Variants in ARL13B observed in about 807,000 individuals in gnomAD.
ARL13B encodes ARF like GTPase 13B.
ARL13B carries 36 observed loss-of-function variants against 56.1 expected under a neutral mutation model. That is an observed-to-expected ratio of 0.64 (90% CI 0.49 to 0.85). The LOEUF is 0.85. ARL13B is among the 40% of genes least tolerant of loss of function. The pLI is 0.00. For missense variants in ARL13B, 519 were observed against 507.1 expected (o/e 1.02, Z -0.23); for synonymous variants, 178 against 171.1 (o/e 1.04, Z -0.32).
intron 1 of ARL13B, 130 bp downstream of exon 1, chr3:93,980,612 G>GACACCCTGGGAAT: frequency 1.7e-6 from 2 of 1,152,146 alleles, no homozygotes; most frequent in Non-Finnish European, 2.5e-6. Context: ...TCATTCCCAG[G>GACACCCTGGGAAT]GTGTCCCGGG....
At chr3:93,987,622 C>T (rs1710531501) in intron 1 of ARL13B, among the ~76,000 whole-genome samples, 1 of 152,008 alleles carries the variant, frequency 6.6e-6, no homozygotes, top group Non-Finnish European at 1.5e-5. Flanking sequence ...CAATTCTTAA[C>T]ATACATACCA....
chr3:94,049,140 T>A (rs1287360616), intron 7 of ARL13B, among the ~76,000 whole-genome samples: 1 of 152,156 alleles, frequency 6.6e-6, no homozygotes, highest in African/African-American at 2.4e-5. Context: ...TTTTGTATTC[T>A]GAAAAACCTC....
At chr3:94,004,085 G>A (rs1315874832) in intron 3 of ARL13B, among the ~76,000 whole-genome samples, 177 bp downstream of exon 3, 2 of 151,998 alleles carry the variant, frequency 1.3e-5, no homozygotes, top group East Asian at 3.9e-4. Flanking sequence ...TGTCTATAGG[G>A]GAAAAGGGCT....
At chr3:94,018,763 G>A (rs1423119990) in intron 3 of ARL13B, among the ~76,000 whole-genome samples, 3 of 152,134 alleles carry the variant, frequency 2.0e-5, no homozygotes, top group East Asian at 3.9e-4. Flanking sequence ...AGACTCAGAA[G>A]TCTTTTTTTG....
chr3:94,020,684 T>C lies in ARL13B; in HGVS notation c.381-14647T>C, dbSNP rs143483852. Among the ~76,000 whole-genome samples the C allele has an allele frequency of 8.5e-5, 13 of 152,342 alleles. No homozygotes were observed. The East Asian group carries it at 2.5e-3, about 29-fold the overall frequency. On this transcript the variant is annotated intron_variant, in intron 3 of 9. Transcript: ENST00000394222. ...ATTCGGAAACATTTGCTGTATTACT[T>C]TATTGCCACATGACTATATTGCTGA...
At chr3:94,032,145 A>G (rs2076687375) in intron 3 of ARL13B, among the ~76,000 whole-genome samples, 1 of 152,240 alleles carries the variant, frequency 6.6e-6, no homozygotes, top group African/African-American at 2.4e-5. Flanking sequence ...AGAATGAGGG[A>G]AAATATTTGC....
chr3:94,004,733 GA>G (rs1015366300), intron 3 of ARL13B, among the ~76,000 whole-genome samples: 21 of 151,786 alleles, frequency 1.4e-4, no homozygotes. Context: ...AGGTGGTTTG[GA>G]AGCTCTGATT....
At chr3:94,024,437 G>GT (rs2076514742) in intron 3 of ARL13B, among the ~76,000 whole-genome samples, 1 of 152,182 alleles carries the variant, frequency 6.6e-6, no homozygotes, top group South Asian at 2.1e-4. Context: ...CAATGGTTCA[G>GT]TAGCTTTTAA....
chr3:93,980,255 G>T lies in ARL13B; in HGVS notation c.-169G>T. 1.2e-6 allele frequency: 1 copy of T among 837,636 alleles called. No homozygotes were observed. The highest frequency in any genetic ancestry group is 2.0e-6 in the Non-Finnish European group (1 of 507,072). 51.9% of individuals were successfully genotyped at this position (837,636 alleles called of 1,614,324 possible). A position where few individuals can be genotyped will look rare whatever the true frequency, so the allele number is the denominator to read the frequency against. On this transcript the variant is annotated 5_prime_UTR_variant, in exon 1 of 10. Transcript: ENST00000394222. ...AGGGCAGTCGTCGCGGACCCACGCGGTTAGCAAGGCTTAGTGCTCGGGCCG... is the reference window on the plus strand; with the variant it reads ...AGGGCAGTCGTCGCGGACCCACGCGTTTAGCAAGGCTTAGTGCTCGGGCCG...
chr3:94,023,530 A>G (rs2076492783), intron 3 of ARL13B, among the ~76,000 whole-genome samples: 1 of 151,618 alleles, frequency 6.6e-6, no homozygotes, highest in Non-Finnish European at 1.5e-5. Flanking sequence ...TATTTTCTCC[A>G]TTTTCTTTGT....
intron 3 of ARL13B, chr3:94,015,149 AAAT>A: frequency 6.2e-7 from 1 of 1,613,960 alleles, no homozygotes. Context: ...TCTCTTTCAT[AAAT>A]AACAGCTTGC....
At chr3:94,036,795 C>A in intron 5 of ARL13B, 41 bp downstream of exon 5, 2 of 1,564,334 alleles carry the variant, frequency 1.3e-6, no homozygotes, top group South Asian at 2.3e-5. Flanking sequence ...TTTGAAGGAT[C>A]AAAAACATAA....
At chr3:94,048,989 C>T (rs1560016469) in intron 7 of ARL13B, among the ~76,000 whole-genome samples, 1 of 151,996 alleles carries the variant, frequency 6.6e-6, no homozygotes, top group Non-Finnish European at 1.5e-5. Context: ...CTATTTATAC[C>T]TGGAATCATT....
chr3:94,048,479 A>G (rs1449247656), intron 7 of ARL13B, among the ~76,000 whole-genome samples: 1 of 152,270 alleles, frequency 6.6e-6, no homozygotes, highest in Non-Finnish European at 1.5e-5. Context: ...AATAATTTTT[A>G]AAAGAAAGAA....
At chr3:94,006,432 C>G (rs1575961684) in intron 3 of ARL13B, among the ~76,000 whole-genome samples, 1 of 152,114 alleles carries the variant, frequency 6.6e-6, no homozygotes, top group South Asian at 2.1e-4. Flanking sequence ...ATTAATTTCT[C>G]TTATTGATGT....
chr3:94,043,494 A>T (rs2076901008), intron 7 of ARL13B, among the ~76,000 whole-genome samples: 1 of 140,508 alleles, frequency 7.1e-6, no homozygotes, highest in South Asian at 2.4e-4. Context: ...TATTTTCATA[A>T]ATTTGGGATA....
At chr3:94,000,582 A>G (rs1036026692) in intron 2 of ARL13B, among the ~76,000 whole-genome samples, 19 of 151,636 alleles carry the variant, frequency 1.3e-4, no homozygotes, top group African/African-American at 3.6e-4. Context: ...ATAGTTACTC[A>G]TATATATATT....
chr3:94,029,660 C>A (rs1286247036), intron 3 of ARL13B, among the ~76,000 whole-genome samples: 1 of 151,864 alleles, frequency 6.6e-6, no homozygotes, highest in Non-Finnish European at 1.5e-5. Context: ...TATATTTATT[C>A]TTTGTTTTAA....
intron 3 of ARL13B, among the ~76,000 whole-genome samples, chr3:94,034,315 C>T (rs1441702057): frequency 6.6e-6 from 1 of 151,834 alleles, no homozygotes; most frequent in East Asian, 1.9e-4. Flanking sequence ...CGTTAGATTT[C>T]TTAGTCTATG....
Sources: gnomAD v4.1 joint callset for allele counts (sites outside exome capture counted in the v4.1 genomes callset) on GRCh38, gnomAD v4.1.1 for gene constraint, MANE v1.5 for transcripts, NCBI Gene and HGNC (gene_info 2026-07-23, HGNC 2026-07-21) for gene names.